Variants in SHISA9 observed in about 807,000 individuals in gnomAD.
The protein encoded by SHISA9 is protein shisa-9.
In SHISA9, 13 loss-of-function variants were observed where a neutral mutation model predicts 38.0. The ratio of observed to expected loss-of-function variants is 0.34; its 90% CI spans 0.22 to 0.54. The LOEUF (loss-of-function observed/expected upper bound fraction) is 0.54. Among genes scored for constraint, SHISA9 ranks in the 20% least tolerant of loss-of-function variants. SHISA9 has a pLI of 0.91. For synonymous variants in SHISA9, 275 were observed against 242.0 expected, an observed-to-expected ratio of 1.14 and a Z score of -1.27; for missense variants, 538 against 575.8, an observed-to-expected ratio of 0.93 and a Z score of 0.67.
chr16:13,225,645 T>G (rs1225443718), intron 4 of SHISA9, among the ~76,000 whole-genome samples: 1 of 152,104 alleles, frequency 6.6e-6, no homozygotes. Context: ...TAGGAACCCC[T>G]CCCTAAGATA....
chr16:13,238,070 G>A lies in SHISA9; in HGVS notation c.*2661G>A, dbSNP rs756289937. On this transcript the variant is annotated 3_prime_UTR_variant, in exon 5 of 5. Transcript: ENST00000558583. ...AGCAGCGATGATTAAATTCCAGCTG[G>A]AGTCTGTTGTCTGTGAGTCTGAACT... is the stretch of plus-strand genomic sequence containing the variant. The A allele has an allele frequency of 6.6e-6, 1 of 152,236 alleles. No individual in the cohort carries two copies. Among genetic ancestry groups the A allele is most frequent in the East Asian group, 1.9e-4 (1 of 5,184 alleles). 9.4% of individuals were successfully genotyped at this position (152,236 alleles called of 1,614,324 possible).
the SHISA9 span, among the ~76,000 whole-genome samples, chr16:13,559,575 G>A: frequency 6.6e-6 from 1 of 151,854 alleles, no homozygotes; most frequent in East Asian, 1.9e-4. Flanking sequence ...TAGAGACAGG[G>A]TCTCTCTGTG....
the SHISA9 span, among the ~76,000 whole-genome samples, chr16:13,401,025 G>A: frequency 6.6e-6 from 1 of 152,206 alleles, no homozygotes; most frequent in Admixed American, 6.5e-5. Flanking sequence ...CCCTTAGGGA[G>A]TGTGCTGGAA....
chr16:13,326,086 GA>G, the SHISA9 span, among the ~76,000 whole-genome samples: 5 of 148,312 alleles, frequency 3.4e-5, no homozygotes, highest in Admixed American at 6.7e-5. Context: ...AAAAAAGAAA[GA>G]AAAAAAAGAT....
At chr16:13,220,251 T>C (rs2051210210) in intron 4 of SHISA9, among the ~76,000 whole-genome samples, 1 of 152,112 alleles carries the variant, frequency 6.6e-6, no homozygotes, top group African/African-American at 2.4e-5. Flanking sequence ...CTAGGCTGGT[T>C]TTAACTGGAA....
At chr16:13,056,386 T>TA (rs944831142) in intron 2 of SHISA9, among the ~76,000 whole-genome samples, 14 of 152,252 alleles carry the variant, frequency 9.2e-5, no homozygotes, top group African/African-American at 2.4e-4. Context: ...GGCAAGGAGA[T>TA]AAAGTCCTGC....
the SHISA9 span, among the ~76,000 whole-genome samples, chr16:13,265,964 T>C: frequency 6.6e-6 from 1 of 152,216 alleles, no homozygotes; most frequent in African/African-American, 2.4e-5. Flanking sequence ...ACACTGAGAA[T>C]TTCTGTTATT....
chr16:12,969,389 GT>G (rs1320913938), intron 2 of SHISA9, among the ~76,000 whole-genome samples: 3 of 149,436 alleles, frequency 2.0e-5, no homozygotes, highest in Admixed American at 6.7e-5. Flanking sequence ...TTATGCTATA[GT>G]GCTCACTTGG....
chr16:13,218,685 C>CA (rs1440821680), intron 4 of SHISA9, among the ~76,000 whole-genome samples: 1 of 152,134 alleles, frequency 6.6e-6, no homozygotes, highest in Non-Finnish European at 1.5e-5. Context: ...TTAAATGAGA[C>CA]AATGTACGTA....
the SHISA9 span, among the ~76,000 whole-genome samples, chr16:13,550,833 A>G: frequency 6.6e-6 from 1 of 152,194 alleles, no homozygotes; most frequent in African/African-American, 2.4e-5. Context: ...TCAAGAAGTG[A>G]TGGGCACAGG....
chr16:13,259,112 C>T, the SHISA9 span, among the ~76,000 whole-genome samples: 11 of 152,144 alleles, frequency 7.2e-5, no homozygotes, highest in African/African-American at 2.2e-4. Flanking sequence ...AATGGGGGTA[C>T]AGGTATTTGG....
intron 2 of SHISA9, among the ~76,000 whole-genome samples, chr16:12,960,649 A>G (rs2071898065): frequency 6.6e-6 from 1 of 152,212 alleles, no homozygotes; most frequent in Admixed American, 6.5e-5. Flanking sequence ...CATTATCCTC[A>G]GCAAACTAAC....
chr16:13,027,721 G>A (rs2072940221), intron 2 of SHISA9, among the ~76,000 whole-genome samples: 1 of 152,044 alleles, frequency 6.6e-6, no homozygotes, highest in Non-Finnish European at 1.5e-5. Flanking sequence ...CAGGTCAGGA[G>A]TTTGAGACCA....
At chr16:13,355,874 A>T in the SHISA9 span, among the ~76,000 whole-genome samples, 1 of 152,210 alleles carries the variant, frequency 6.6e-6, no homozygotes, top group African/African-American at 2.4e-5. Flanking sequence ...TCAGTCAGAA[A>T]GCCTTGGGCC....
chr16:13,429,899 TGAA>T, the SHISA9 span, among the ~76,000 whole-genome samples: 8 of 152,342 alleles, frequency 5.3e-5, no homozygotes, highest in African/African-American at 1.9e-4. Context: ...ATGTATATGT[TGAA>T]GTTCTAACCC....
intron 4 of SHISA9, among the ~76,000 whole-genome samples, chr16:13,221,034 GA>G (rs10665930): frequency 2.3e-4 from 34 of 147,376 alleles, no homozygotes; most frequent in Admixed American, 3.4e-4. Context: ...TGGGATTTTA[GA>G]AAAAAAAAAA....
At chr16:13,110,330 C>T (rs540823615) in intron 2 of SHISA9, among the ~76,000 whole-genome samples, 3 of 152,184 alleles carry the variant, frequency 2.0e-5, no homozygotes, top group Admixed American at 6.5e-5. Context: ...GCTGTCTGAA[C>T]GTGGCTTTTT....
intron 4 of SHISA9, among the ~76,000 whole-genome samples, chr16:13,218,730 A>G (rs1454642113): frequency 3.3e-5 from 5 of 152,208 alleles, no homozygotes; most frequent in Non-Finnish European, 7.3e-5. Flanking sequence ...CATAGTAGGT[A>G]CTCAGTACAT....
intron 2 of SHISA9, among the ~76,000 whole-genome samples, chr16:13,043,966 A>G (rs1396609821): frequency 6.6e-6 from 1 of 152,148 alleles, no homozygotes; most frequent in East Asian, 1.9e-4. Context: ...CTAGGCTGGA[A>G]TAATATTTTA....
Sources: allele counts gnomAD v4.1 joint callset (sites outside exome capture counted in the v4.1 genomes callset), GRCh38; gene constraint gnomAD v4.1.1; transcripts MANE v1.5; gene names NCBI Gene and HGNC (gene_info 2026-07-23, HGNC 2026-07-21).